Variants in WNK3 observed in about 807,000 individuals in gnomAD.
WNK3 encodes WNK lysine deficient protein kinase 3, also known as serine/threonine-protein kinase WNK3.
WNK3 carries 18 observed loss-of-function variants against 116.7 expected under a neutral mutation model. The observed-to-expected ratio is 0.15, with a 90% confidence interval of 0.11 to 0.23. The LOEUF (loss-of-function observed/expected upper bound fraction) is 0.23. Ranked by LOEUF, WNK3 falls within the 10% of genes least tolerant of loss-of-function variation. WNK3 has a pLI of 1.00. For missense variants in WNK3, 993 were observed against 1,323.8 expected, an observed-to-expected ratio of 0.75 and a Z score of 3.88; for synonymous variants, 404 against 469.4, an observed-to-expected ratio of 0.86 and a Z score of 1.80.
At chrX:54,316,131 T>C (rs1284120586) in intron 2 of WNK3, among the ~76,000 whole-genome samples, 1 of 111,453 alleles carries the variant, frequency 9.0e-6, no homozygotes, top group Admixed American at 9.7e-5. Flanking sequence ...TCCTCTCTCC[T>C]CCGCCAAAAT....
chrX:54,195,071 A>G, exon 24 of WNK3: 1 of 112,149 alleles, frequency 8.9e-6, no homozygotes, highest in Non-Finnish European at 1.9e-5. Flanking sequence ...ACAAATATAC[A>G]TAGGGTTATT....
At chrX:54,326,974 T>G (rs1198281573) in intron 2 of WNK3, among the ~76,000 whole-genome samples, 2 of 111,229 alleles carry the variant, frequency 1.8e-5, no homozygotes, top group African/African-American at 6.5e-5. Context: ...GGAAGACTGA[T>G]GGAGCATAGG....
intron 4 of WNK3, 122 bp from the exon 5 acceptor site, chrX:54,308,201 T>G: frequency 1.5e-6 from 1 of 646,589 alleles, no homozygotes; most frequent in Non-Finnish European, 2.2e-6. Context: ...AAATTTCTTT[T>G]TTTTTTTTGA....
chrX:54,327,074 G>A (rs974562391), intron 2 of WNK3, among the ~76,000 whole-genome samples: 1 of 111,308 alleles, frequency 9.0e-6, no homozygotes, highest in Non-Finnish European at 1.9e-5. Context: ...ATCAAGTTAT[G>A]GAAACCATAA....
exon 12 of WNK3, chrX:54,255,812 A>C (rs1286563870): frequency 8.3e-7 from 1 of 1,206,922 alleles, no homozygotes; most frequent in Non-Finnish European, 1.1e-6. Flanking sequence ...GTTTGATCCG[A>C]TCCTGTTTGC....
chrX:54,333,739 T>A, exon 2 of WNK3: 1 of 828,258 alleles, frequency 1.2e-6, no homozygotes, highest in East Asian at 3.2e-5. Context: ...ATCTCAGGTA[T>A]CAGAATTATC....
intron 1 of WNK3, among the ~76,000 whole-genome samples, chrX:54,335,750 G>T (rs1284821132): frequency 8.9e-6 from 1 of 112,158 alleles, no homozygotes; most frequent in Middle Eastern, 4.2e-3. Flanking sequence ...CAAAATTCCA[G>T]CTGGTTTCTT....
chrX:54,265,138 T>C (rs2068295493), intron 10 of WNK3, among the ~76,000 whole-genome samples: 1 of 111,675 alleles, frequency 9.0e-6, no homozygotes, highest in Non-Finnish European at 1.9e-5. Flanking sequence ...ACAGAAAGTG[T>C]GCATCTCCTT....
intron 7 of WNK3, among the ~76,000 whole-genome samples, chrX:54,297,934 G>A (rs1289116919): frequency 3.6e-5 from 4 of 110,181 alleles, no homozygotes; most frequent in Non-Finnish European, 5.7e-5. Context: ...TTAGCCGGGC[G>A]TGGTGGCGGG....
At chrX:54,345,102 A>T (rs1227562891) in intron 1 of WNK3, among the ~76,000 whole-genome samples, 4 of 105,504 alleles carry the variant, frequency 3.8e-5, no homozygotes, top group Non-Finnish European at 7.8e-5. Context: ...ACAAAAAATT[A>T]GCTGTGGCCG....
chrX:54,286,366 C>T (rs533140799), intron 10 of WNK3, among the ~76,000 whole-genome samples: 1 of 111,008 alleles, frequency 9.0e-6, no homozygotes, highest in Non-Finnish European at 1.9e-5. Context: ...CACGCACATA[C>T]TGAAATCCAT....
chrX:54,333,697 T>C (rs1557174836), exon 2 of WNK3: 1 of 1,152,471 alleles, frequency 8.7e-7, no homozygotes, highest in Non-Finnish European at 1.2e-6. Context: ...GGCACTAAAA[T>C]TTTTCCTGTT....
intron 10 of WNK3, among the ~76,000 whole-genome samples, chrX:54,274,153 A>G (rs972962111): frequency 9.0e-6 from 1 of 111,687 alleles, no homozygotes; most frequent in African/African-American, 3.3e-5. Flanking sequence ...CTCAACAAAG[A>G]GATTAACTCT....
intron 15 of WNK3, among the ~76,000 whole-genome samples, chrX:54,250,805 C>T (rs782772615): frequency 4.5e-5 from 5 of 110,797 alleles, no homozygotes; most frequent in Non-Finnish European, 7.5e-5. Context: ...GCTCATTTGT[C>T]TATGGCTCTT....
At chrX:54,290,693 A>C (rs2068628682) in intron 10 of WNK3, among the ~76,000 whole-genome samples, 1 of 111,576 alleles carries the variant, frequency 9.0e-6, no homozygotes, top group Non-Finnish European at 1.9e-5. Context: ...ACATTGTCAC[A>C]CACCTGACAG....
At chrX:54,283,766 CAAAA>C (rs782377430) in intron 10 of WNK3, among the ~76,000 whole-genome samples, 268 of 24,068 alleles carry the variant, frequency 0.011, 2 homozygotes, top group African/African-American at 0.038. Flanking sequence ...AAGACTGTCT[CAAAA>C]AAAAAAAAAA....
intron 22 of WNK3, among the ~76,000 whole-genome samples, chrX:54,202,832 A>C (rs782441477): frequency 1.8e-3 from 201 of 110,820 alleles, no homozygotes; most frequent in African/African-American, 6.1e-3. Flanking sequence ...AGATACTTTA[A>C]AGATTAAAAA....
At position 54,249,409 on chromosome X, in the gene WNK3, G is replaced by A. The variant is rs140928847; in HGVS notation, c.2939C>T (p.Ser980Phe). The change falls in exon 17 of 24, where the codon TCT becomes TTT. Residue 980 changes from serine (S) to phenylalanine (F), a missense_variant. Coordinates refer to ENST00000354646, the Ensembl canonical transcript of WNK3. Reference sequence around the variant, plus strand: ...TGGAACTGCACGAACTGAAGTAGTAGAGTAACTGGAACTATTAGTAACTGG... The same window carrying A: ...TGGAACTGCACGAACTGAAGTAGTAAAGTAACTGGAACTATTAGTAACTGG... The A allele has an allele frequency of 2.5e-6, 3 of 1,209,795 alleles. No homozygotes were observed. The highest frequency in any genetic ancestry group is 3.4e-6 in the Non-Finnish European group (3 of 895,181).
chrX:54,283,203 G>A (rs1426571641), intron 10 of WNK3, among the ~76,000 whole-genome samples: 2 of 112,042 alleles, frequency 1.8e-5, no homozygotes, highest in South Asian at 3.7e-4. Context: ...TGGCACTTTG[G>A]GAGGCCAAGG....
Sources: allele counts gnomAD v4.1 joint callset (sites outside exome capture counted in the v4.1 genomes callset), GRCh38; gene constraint gnomAD v4.1.1; transcripts MANE v1.5; gene names NCBI Gene and HGNC (gene_info 2026-07-23, HGNC 2026-07-21).